Variants in MTUS2 observed in about 807,000 individuals in gnomAD.
MTUS2 encodes microtubule associated scaffold protein 2, also known as microtubule-associated tumor suppressor candidate 2.
In MTUS2, 40 loss-of-function variants were observed where a neutral mutation model predicts 114.1. The observed-to-expected ratio is 0.35, with a 90% confidence interval of 0.27 to 0.46. The LOEUF (loss-of-function observed/expected upper bound fraction) is 0.46. Among genes scored for constraint, MTUS2 ranks in the 20% least tolerant of loss-of-function variants. The pLI, the probability that MTUS2 is intolerant of heterozygous loss-of-function variation, is 1.00. For missense variants in MTUS2, 1,679 were observed against 1,705.4 expected, an observed-to-expected ratio of 0.98 and a Z score of 0.27; for synonymous variants, 688 against 672.0, an observed-to-expected ratio of 1.02 and a Z score of -0.37.
intron 4 of MTUS2, among the ~76,000 whole-genome samples, chr13:29,053,276 C>T (rs1000008877): frequency 6.6e-6 from 1 of 152,178 alleles, no homozygotes; most frequent in Non-Finnish European, 1.5e-5. Flanking sequence ...CGTTGCTTTA[C>T]AGATGAGGCT....
intron 6 of MTUS2, among the ~76,000 whole-genome samples, chr13:29,294,998 T>C (rs531333140): frequency 3.3e-5 from 5 of 152,338 alleles, no homozygotes; most frequent in South Asian, 2.1e-4. Flanking sequence ...GCCTGCTTAG[T>C]TATTCCTTTC....
intron 2 of MTUS2, among the ~76,000 whole-genome samples, chr13:28,904,689 A>G (rs1162866266): frequency 6.6e-6 from 1 of 152,134 alleles, no homozygotes; most frequent in East Asian, 1.9e-4. Context: ...AGGTAGCGTG[A>G]TGCCTCCAGC....
chr13:29,282,053 C>T (rs1019818902), intron 6 of MTUS2, among the ~76,000 whole-genome samples, 188 bp downstream of exon 6: 2 of 152,222 alleles, frequency 1.3e-5, no homozygotes, highest in African/African-American at 4.8e-5. Flanking sequence ...TCGTAACTGC[C>T]TCTCACTCTT....
At chr13:29,343,452 A>G (rs564219363) in intron 7 of MTUS2, among the ~76,000 whole-genome samples, 4 of 152,076 alleles carry the variant, frequency 2.6e-5, no homozygotes, top group Admixed American at 6.5e-5. Context: ...AAAGGTGTTT[A>G]TAGTAGCCTG....
intron 8 of MTUS2, among the ~76,000 whole-genome samples, chr13:29,367,086 G>A (rs3125688): frequency 0.99 from 150,892 of 152,196 alleles, 74,805 homozygotes; most frequent in Middle Eastern, 1. Flanking sequence ...ACCACATCTC[G>A]GCCCCTGAGT....
intron 5 of MTUS2, among the ~76,000 whole-genome samples, chr13:29,209,040 T>C (rs1895310243): frequency 6.6e-6 from 1 of 152,160 alleles, no homozygotes; most frequent in Non-Finnish European, 1.5e-5. Context: ...CTCCCACTTA[T>C]TATTGTGTTG....
intron 5 of MTUS2, among the ~76,000 whole-genome samples, chr13:29,198,289 G>A (rs758048887): frequency 3.3e-5 from 5 of 152,138 alleles, no homozygotes; most frequent in Non-Finnish European, 7.4e-5. Context: ...TCTGCATATG[G>A]CTACCCAGTT....
chr13:28,945,791 T>G (rs1882493969), intron 2 of MTUS2, among the ~76,000 whole-genome samples: 1 of 152,220 alleles, frequency 6.6e-6, no homozygotes, highest in Non-Finnish European at 1.5e-5. Context: ...CTGTTGATTA[T>G]TTCAGAATTG....
At chr13:29,428,559 A>C in intron 8 of MTUS2, 1 of 685,264 alleles carries the variant, frequency 1.5e-6, no homozygotes, top group African/African-American at 1.8e-5. Flanking sequence ...TCCAGTGGCA[A>C]AGTGACCCTC....
chr13:28,882,796 TA>T lies in MTUS2; in HGVS notation c.-243+42953del, dbSNP rs549874071. On this transcript the variant is annotated intron_variant, in intron 2 of 15. Coordinates refer to ENST00000612955, the MANE Select transcript of MTUS2 (RefSeq NM_001033602.4). ...AAAAACTGCTTTTCAAAAGACGTCA[TA>T]AAAAAATGAAAAGGCAAGCCACAGT... Among the ~76,000 whole-genome samples the T allele has an allele frequency of 9.2e-5, 14 of 151,828 alleles. No homozygotes were observed. The South Asian group carries it at 2.1e-3, about 23-fold the overall frequency.
At chr13:29,143,530 G>A (rs1892312202) in intron 5 of MTUS2, among the ~76,000 whole-genome samples, 1 of 152,164 alleles carries the variant, frequency 6.6e-6, no homozygotes, top group South Asian at 2.1e-4. Context: ...TCATCCAAAA[G>A]TATGAATATG....
intron 2 of MTUS2, among the ~76,000 whole-genome samples, chr13:28,886,493 A>C (rs931300211): frequency 1.3e-5 from 2 of 152,050 alleles, no homozygotes; most frequent in African/African-American, 4.8e-5. Context: ...AGAGGAAGAG[A>C]GGATTGAGAA....
chr13:28,867,245 C>G (rs968208904), intron 2 of MTUS2, among the ~76,000 whole-genome samples: 18 of 152,192 alleles, frequency 1.2e-4, no homozygotes, highest in Non-Finnish European at 2.2e-4. Context: ...TACTACTAAG[C>G]AAAACTTGCT....
chr13:29,371,976 G>GGGC (rs1871221368), intron 8 of MTUS2, among the ~76,000 whole-genome samples: 1 of 23,906 alleles, frequency 4.2e-5, no homozygotes, highest in Non-Finnish European at 8.6e-5. Context: ...CTCAACCCCC[G>GGGC]CCCCCCCCCC....
intron 2 of MTUS2, among the ~76,000 whole-genome samples, chr13:28,981,768 G>A (rs1395458317): frequency 2.0e-5 from 3 of 152,102 alleles, no homozygotes; most frequent in Admixed American, 6.5e-5. Context: ...TGGCCCTGCC[G>A]CTTCAGGAAA....
intron 7 of MTUS2, among the ~76,000 whole-genome samples, chr13:29,338,513 C>G (rs894857197): frequency 1.3e-5 from 2 of 152,020 alleles, no homozygotes; most frequent in Non-Finnish European, 2.9e-5. Context: ...TCGCTTGAAC[C>G]GGGGAGGCGG....
rs1268724918 is a variant in MTUS2, at chr13:29,026,519, C to T, written c.1821C>T (p.Asp607=). Reference sequence around the variant, plus strand: ...AGCCTGTCTTCACACATTCCAAGGACACACCTTCCTCGCAGGAGGGAATGG... The same window carrying T: ...AGCCTGTCTTCACACATTCCAAGGATACACCTTCCTCGCAGGAGGGAATGG... The part of the protein sequence containing the change: ...IPKPVFTHSK[D]TPSSQEGMEN... Residue 607 remains aspartate, a synonymous_variant, in exon 3 of 16, where the codon GAC becomes GAT. Coordinates refer to ENST00000612955, the MANE Select transcript of MTUS2 (RefSeq NM_001033602.4). 1 of 1,613,966 alleles carries T rather than the reference C, an allele frequency of 6.2e-7. No individual in the cohort carries two copies. Among genetic ancestry groups the T allele is most frequent in the East Asian group, 2.2e-5 (1 of 44,880 alleles).
intron 2 of MTUS2, among the ~76,000 whole-genome samples, chr13:28,898,950 C>G (rs117176441): frequency 6.6e-6 from 1 of 152,162 alleles, no homozygotes; most frequent in Non-Finnish European, 1.5e-5. Flanking sequence ...GATGAAGATG[C>G]GTACCTTTTA....
At chr13:29,193,336 A>G (rs988215505) in intron 5 of MTUS2, among the ~76,000 whole-genome samples, 3 of 152,134 alleles carry the variant, frequency 2.0e-5, no homozygotes, top group Admixed American at 6.6e-5. Context: ...AGGCATTTCA[A>G]TGAGTCTTAA....
Sources: gnomAD v4.1 joint callset for allele counts (sites outside exome capture counted in the v4.1 genomes callset) on GRCh38, gnomAD v4.1.1 for gene constraint, MANE v1.5 for transcripts, NCBI Gene and HGNC (gene_info 2026-07-23, HGNC 2026-07-21) for gene names.